ERAP1: variants seen among roughly 807,000 people sequenced by gnomAD.
ERAP1 encodes endoplasmic reticulum aminopeptidase 1, also known as adipocyte-derived leucine aminopeptidase.
ERAP1 carries 86 observed loss-of-function variants against 103.7 expected under a neutral mutation model. The observed-to-expected ratio is 0.83, with a 90% CI of 0.70 to 0.99. The LOEUF is 0.99. ERAP1 is among the 50% of genes least tolerant of loss of function. The pLI is 0.00. For synonymous variants in ERAP1, 398 were observed against 402.4 expected, an observed-to-expected ratio of 0.99 and a Z score of 0.13; for missense variants, 1,009 against 1,128.4, an observed-to-expected ratio of 0.89 and a Z score of 1.52.
chr5:96,894,814 T>C, the ERAP1 span, among the ~76,000 whole-genome samples: 2 of 152,100 alleles, frequency 1.3e-5, no homozygotes, highest in Non-Finnish European at 2.9e-5. Flanking sequence ...CTACTTAATA[T>C]AAAAAGATAA....
chr5:96,879,629 C>T, the ERAP1 span: 1 of 1,432,550 alleles, frequency 7.0e-7, no homozygotes, highest in South Asian at 1.2e-5. Flanking sequence ...AGTGCAGTGC[C>T]ATGAAGAACT....
chr5:96,902,302 T>A, the ERAP1 span: 7 of 1,612,272 alleles, frequency 4.3e-6, no homozygotes, highest in Admixed American at 1.2e-4. Context: ...ATTGACCTAC[T>A]CCACGAGTTC....
chr5:96,771,675 A>T (rs1772399815), downstream of ERAP1: 2 of 1,611,518 alleles, frequency 1.2e-6, no homozygotes, highest in African/African-American at 2.7e-5. Context: ...CCAAAAGATG[A>T]CTAAAGAAAT....
the ERAP1 span, chr5:96,934,995 G>A: frequency 6.6e-6 from 1 of 152,376 alleles, no homozygotes; most frequent in South Asian, 2.1e-4. Context: ...GCCCCTGGCG[G>A]TTCGGCCTCG....
the ERAP1 span, among the ~76,000 whole-genome samples, chr5:96,841,492 T>C: frequency 1.3e-5 from 2 of 152,208 alleles, no homozygotes; most frequent in African/African-American, 4.8e-5. Context: ...GCTGCTGAGA[T>C]GGAGCAGGGA....
At position 96,795,129 on chromosome 5, in the gene ERAP1, G is replaced by A; in HGVS notation, c.832C>T (p.Gln278Ter). The A allele has an allele frequency of 6.2e-7, 1 of 1,613,846 alleles. No individual in the cohort carries two copies. The highest frequency in any genetic ancestry group is 8.5e-7 in the Non-Finnish European group (1 of 1,179,978). The change falls in exon 5 of 19, where the codon CAA (glutamine) becomes TAA (stop). Residue 278 changes from glutamine (Q) to a stop codon, truncating the protein, a stop_gained. Coordinates refer to ENST00000443439, the MANE Select transcript of ERAP1 (RefSeq NM_001040458.3). LOFTEE classifies it high-confidence loss of function. ...GCAGCATCCAGTGCATAATCTGCTTGATTTATCTTGTCTGGCACAGCATAA... is the reference window on the plus strand; with the variant it reads ...GCAGCATCCAGTGCATAATCTGCTTAATTTATCTTGTCTGGCACAGCATAA... ...SVYAVPDKINQADYALDAAVT... is the reference protein window; with the variant it reads ...SVYAVPDKIN
At chr5:96,800,122 C>T (rs1449718212) in intron 3 of ERAP1, among the ~76,000 whole-genome samples, 1 of 152,214 alleles carries the variant, frequency 6.6e-6, no homozygotes, top group African/African-American at 2.4e-5. Context: ...AAAGGATGTG[C>T]TTCCAGGAGG....
chr5:96,836,845 G>A, the ERAP1 span, among the ~76,000 whole-genome samples: 4 of 152,144 alleles, frequency 2.6e-5, no homozygotes, highest in African/African-American at 9.7e-5. Flanking sequence ...ATCAAAATGT[G>A]TAATGTACTT....
At chr5:96,862,765 C>T in the ERAP1 span, among the ~76,000 whole-genome samples, 1 of 152,144 alleles carries the variant, frequency 6.6e-6, no homozygotes, top group Non-Finnish European at 1.5e-5. Flanking sequence ...TATGCTCTGC[C>T]TCATTCCAAG....
intron 18 of ERAP1, among the ~76,000 whole-genome samples, chr5:96,780,085 T>G (rs1020981090): frequency 3.3e-5 from 5 of 152,238 alleles, no homozygotes; most frequent in Non-Finnish European, 4.4e-5. Context: ...ACCTGCCTCT[T>G]TAGCAACAGC....
At chr5:96,870,511 C>T in the ERAP1 span, among the ~76,000 whole-genome samples, 25 of 152,210 alleles carry the variant, frequency 1.6e-4, no homozygotes, top group South Asian at 1.7e-3. Flanking sequence ...TAAACCAAAA[C>T]GAAGCCCTGC....
chr5:96,933,534 CAT>C, the ERAP1 span, among the ~76,000 whole-genome samples: 1 of 152,168 alleles, frequency 6.6e-6, no homozygotes, highest in Admixed American at 6.5e-5. Context: ...CTCAAAAAGA[CAT>C]AATGATCCAC....
the ERAP1 span, among the ~76,000 whole-genome samples, chr5:96,933,158 C>A: frequency 0.5 from 74,643 of 150,100 alleles, 18,728 homozygotes; most frequent in African/African-American, 0.56. Context: ...CCTAGGTAGG[C>A]TTCTGAAACA....
the ERAP1 span, chr5:96,892,236 G>C: frequency 2.6e-6 from 4 of 1,552,256 alleles, no homozygotes; most frequent in African/African-American, 2.7e-5. Context: ...TTTGAGCAGA[G>C]AGCAAATTCT....
the ERAP1 span, among the ~76,000 whole-genome samples, chr5:96,840,663 G>C: frequency 2.0e-5 from 3 of 152,034 alleles, no homozygotes; most frequent in Non-Finnish European, 4.4e-5. Context: ...TGTTAAAGCA[G>C]ATCTCTGTCT....
chr5:96,844,087 A>AT, the ERAP1 span, among the ~76,000 whole-genome samples: 1 of 152,190 alleles, frequency 6.6e-6, no homozygotes, highest in Non-Finnish European at 1.5e-5. Flanking sequence ...CGCCCTACAA[A>AT]TAAACACCCT....
At chr5:96,822,644 G>A in the ERAP1 span, among the ~76,000 whole-genome samples, 2 of 152,132 alleles carry the variant, frequency 1.3e-5, no homozygotes, top group Admixed American at 1.3e-4. Context: ...GGGAGGCTGA[G>A]GCAGGAGGAT....
the ERAP1 span, among the ~76,000 whole-genome samples, chr5:96,858,101 T>C: frequency 6.6e-6 from 1 of 152,222 alleles, no homozygotes; most frequent in African/African-American, 2.4e-5. Context: ...TCTACCAGCA[T>C]GGTTTTGCTG....
rs1339271678 is a variant in ERAP1 at position 96,785,949 on chromosome 5, C to T, written c.1782G>A (p.Glu594=). 6.2e-7 allele frequency: 1 copy of T among 1,614,048 alleles called. No homozygotes were observed. Among genetic ancestry groups the T allele is most frequent in the Non-Finnish European group, 8.5e-7 (1 of 1,180,036 alleles). ...CCACATTAAATTTGATCCATTCCAC[C>T]TCTTCTGGGAGGATGAGCACATCTA... is the stretch of plus-strand genomic sequence containing the variant. ...TKTDVLILPE[E]VEWIKFNVGM... The change falls in exon 13 of 19, where the codon GAG becomes GAA. Residue 594 remains glutamate, a synonymous_variant. Coordinates refer to ENST00000443439, the MANE Select transcript of ERAP1 (RefSeq NM_001040458.3).
Sources: allele counts gnomAD v4.1 joint callset (sites outside exome capture counted in the v4.1 genomes callset), GRCh38; gene constraint gnomAD v4.1.1; transcripts MANE v1.5; gene names NCBI Gene and HGNC (gene_info 2026-07-23, HGNC 2026-07-21).